The following EPS8L3 variants were observed in gnomAD, a reference collection of about 807,000 sequenced individuals.
EPS8L3 encodes the protein EPS8 signaling adaptor L3.
EPS8L3 carries 80 observed loss-of-function variants against 88.5 expected under a neutral mutation model. The observed-to-expected ratio is 0.90, with a 90% confidence interval of 0.75 to 1.09. The LOEUF is 1.09. Ranked by LOEUF, EPS8L3 falls within the 50% of genes least tolerant of loss-of-function variation. EPS8L3 has a pLI of 0.00. For synonymous variants in EPS8L3, 286 were observed against 291.0 expected (o/e 0.98, Z 0.18); for missense variants, 721 against 735.2 (o/e 0.98, Z 0.22).
At chr1:109,751,157 A>T in intron 17 of EPS8L3, 121 bp downstream of exon 17, 1 of 821,714 alleles carries the variant, frequency 1.2e-6, no homozygotes, top group East Asian at 2.7e-5. Flanking sequence ...CTCAGCAGAG[A>T]CGGTGCTGGA....
intron 12 of EPS8L3, among the ~76,000 whole-genome samples, chr1:109,754,304 T>C (rs1291343182): frequency 6.6e-6 from 1 of 152,226 alleles, no homozygotes; most frequent in Non-Finnish European, 1.5e-5. Flanking sequence ...TGGCCTTGTA[T>C]GGTCTCTGTC....
Position 109,750,691 on chromosome 1 carries a change from G to A in EPS8L3, c.1739C>T (p.Ser580Phe), listed in dbSNP as rs1649701496. 3 of 1,614,244 alleles carry A rather than the reference G, an allele frequency of 1.9e-6. No individual in the cohort carries two copies. The highest frequency in any genetic ancestry group is 1.7e-5 in the Admixed American group (1 of 60,028). The change falls in exon 18 of 19, where the codon TCC becomes TTC. Residue 580 changes from serine (S) to phenylalanine (F), a missense_variant. By Grantham distance (155) the Ser-to-Phe change is radical. Coordinates refer to ENST00000361965, the MANE Select transcript of EPS8L3 (RefSeq NM_133181.4). ...CATCCTTCTGACAGCCTCCAGCCGG[G>A]ACAGGATTCGTGGGGCCTCCTGTGG... ...LCPQEAPRIL[S>F]RLEAVRRMLG...
At position 109,757,995 on chromosome 1, in the gene EPS8L3, C is replaced by G; in HGVS notation, c.781G>C (p.Ala261Pro). The change falls in exon 9 of 19, where the codon GCA becomes CCA. Residue 261 changes from alanine to proline, a missense_variant. Transcript: ENST00000361965. Reference protein sequence around the residue: ...LFMGKLEKAQAKTSRKKKFGK... With the variant: ...LFMGKLEKAQPKTSRKKKFGK... ...AATTTCTTCTTCCTGCTGGTCTTTG[C>G]CTGGGCCTTCTCCAGCTTTCCCATG... 6.2e-7 allele frequency: 1 copy of G among 1,614,202 alleles called. No homozygotes were observed. The highest frequency in any genetic ancestry group is 8.5e-7 in the Non-Finnish European group (1 of 1,180,034).
At position 109,753,257 on chromosome 1, in the gene EPS8L3, T is replaced by G. The variant is rs566400007; in HGVS notation, c.1119-59A>C. 11 of 1,431,332 alleles carry G rather than the reference T, an allele frequency of 7.7e-6. No homozygotes were observed. In the East Asian group the frequency reaches 2.1e-4, roughly 27 times the overall value. The allele number at this position is 1,431,332 out of a possible 1,614,324, so 88.7% of individuals were successfully genotyped here. On this transcript the variant is annotated intron_variant, in intron 12 of 18. Transcript: ENST00000361965. ...CTCTGTGAACTCTGATGCCAGGCTGTGGGACGCGGACAGGGAGGGGACGAC... is the reference window on the plus strand; with the variant it reads ...CTCTGTGAACTCTGATGCCAGGCTGGGGGACGCGGACAGGGAGGGGACGAC...
intron 11 of EPS8L3, 95 bp from the exon 12 acceptor site, chr1:109,757,260 A>G (rs918086503): frequency 2.8e-6 from 4 of 1,408,950 alleles, no homozygotes; most frequent in African/African-American, 2.9e-5. Flanking sequence ...CCACTTTTGC[A>G]ATGGTAGGAT....
chr1:109,753,212 C>T lies in EPS8L3; in HGVS notation c.1119-14G>A. 1 of 1,594,278 alleles carries T rather than the reference C, an allele frequency of 6.3e-7. No homozygotes were observed. Among genetic ancestry groups the T allele is most frequent in the Non-Finnish European group, 8.6e-7 (1 of 1,169,282 alleles). On this transcript the variant is annotated splice_polypyrimidine_tract_variant and intron_variant, in intron 12 of 18. Transcript: ENST00000361965. The stretch of plus-strand genomic sequence containing the variant: ...GTCCAGTCGGCCCTGAAGAGGGAAA[C>T]AAAGCTGAGTTCACATCCACTCTGT...
chr1:109,752,792 C>T (rs1333606539), intron 13 of EPS8L3, 72 bp from the exon 14 acceptor site: 22 of 1,353,026 alleles, frequency 1.6e-5, no homozygotes, highest in East Asian at 5.0e-5. Context: ...CTGGGGTATC[C>T]GACCACAGGC....
At position 109,753,147 on chromosome 1, in the gene EPS8L3, A is replaced by T. The variant is rs1649963070; in HGVS notation, c.1170T>A (p.Asp390Glu). The T allele has an allele frequency of 6.2e-7, 1 of 1,613,526 alleles. No homozygotes were observed. Among genetic ancestry groups the T allele is most frequent in the African/African-American group, 1.3e-5 (1 of 74,906 alleles). ...EPLPYQPTFS[D>E]DWQLPEPSSQ... Reference sequence around the variant, plus strand: ...TGGAGGGCTCTGGAAGTTGCCAGTCATCTGAGAATGTGGGTTGGTAGGGCA... The same window carrying T: ...TGGAGGGCTCTGGAAGTTGCCAGTCTTCTGAGAATGTGGGTTGGTAGGGCA... The change falls in exon 13 of 19, where the codon GAT (aspartate) becomes GAA (glutamate). Residue 390 changes from aspartate to glutamate, a missense_variant. By Grantham distance (45) the Asp-to-Glu change is conservative. Transcript: ENST00000361965.
rs1396672125 is a variant in EPS8L3 at position 109,757,084 on chromosome 1, G to A, written c.1051C>T (p.Gln351Ter). The change falls in exon 12 of 19, where the codon CAG becomes TAG. Residue 351 changes from glutamine to a stop codon, truncating the protein, a stop_gained. Transcript: ENST00000361965. LOFTEE classifies it high-confidence loss of function. ...CTCTCAGGTGGGCTTAGACAGGACT[G>A]TAGCAGGTTGATAGCTTTAGGGGTG... ...LLTPKAINLL[Q>*]SCLSPPESNL... is the part of the protein sequence containing the mutation. 8 of 1,614,086 alleles carry A rather than the reference G, an allele frequency of 5.0e-6. No individual in the cohort carries two copies. The East Asian group carries it at 1.6e-4, about 31-fold the overall frequency.
Position 109,759,848 on chromosome 1 carries a change from G to A in EPS8L3, c.97-12C>T, listed in dbSNP as rs773527493. On this transcript the variant is annotated splice_polypyrimidine_tract_variant and intron_variant, in intron 3 of 18. Coordinates refer to ENST00000361965, the MANE Select transcript of EPS8L3 (RefSeq NM_133181.4). The surrounding 1 kb of genome is among the most constrained non-coding windows in gnomAD (Gnocchi z 4.2). Reference sequence around the variant, plus strand: ...CATGTCATCAAGTGCTGCAGGGAGAGGGGGAGTCCTAGGACTGGGAGAAAG... The same window carrying A: ...CATGTCATCAAGTGCTGCAGGGAGAAGGGGAGTCCTAGGACTGGGAGAAAG... 9 of 1,612,644 alleles carry A rather than the reference G, an allele frequency of 5.6e-6. No individual in the cohort carries two copies. The African/African-American group carries it at 6.7e-5, about 12-fold the overall frequency.
chr1:109,758,659 G>C lies in EPS8L3; in HGVS notation c.466C>G (p.Arg156Gly), dbSNP rs1223716451. ...ALEEELEQRP[R>G]LGGLQPGQDR... The stretch of plus-strand genomic sequence containing the variant: ...TGGCCTGGCTGAAGGCCTCCAAGTC[G>C]AGGTCTGCTGAGGACATGGTAGGGG... The change falls in exon 7 of 19, where the codon CGA becomes GGA. Residue 156 changes from arginine (R) to glycine (G), a missense_variant. By Grantham distance (125) the Arg-to-Gly change is moderately radical (BLOSUM62 -2). Transcript: ENST00000361965. The C allele has an allele frequency of 6.3e-7, 1 of 1,575,894 alleles. No homozygotes were observed. Among genetic ancestry groups the C allele is most frequent in the African/African-American group, 1.4e-5 (1 of 73,444 alleles).
rs1353610354 is a variant in EPS8L3 at position 109,752,209 on chromosome 1, A to G, written c.1236-16T>C. The G allele has an allele frequency of 2.5e-6, 4 of 1,604,040 alleles. No homozygotes were observed. Among genetic ancestry groups the G allele is most frequent in the Non-Finnish European group, 1.7e-6 (2 of 1,173,684 alleles). ...ACTTCCCCGCCTAAGAAACAGAGTC[A>G]GGATGGCTGGAGAATGGGGCCTCAG... On this transcript the variant is annotated splice_polypyrimidine_tract_variant and intron_variant, in intron 14 of 18. Coordinates refer to ENST00000361965, the MANE Select transcript of EPS8L3 (RefSeq NM_133181.4).
At chr1:109,752,273 G>T in intron 14 of EPS8L3, 80 bp from the exon 15 acceptor site, 1 of 1,375,678 alleles carries the variant, frequency 7.3e-7, no homozygotes, top group Non-Finnish European at 1.0e-6. Flanking sequence ...TTCCCCTCAG[G>T]TATCTCCGGC....
In EPS8L3 at chr1:109,757,068, G is replaced by A; in HGVS notation, c.1067C>T (p.Pro356Leu). ...AINLLQSCLS[P>L]PESNLWMGLG... ...CCCCATCCAAAGGTTACTCTCAGGT[G>A]GGCTTAGACAGGACTGTAGCAGGTT... The change falls in exon 12 of 19, where the codon CCA (proline) becomes CTA (leucine). Residue 356 changes from proline (P) to leucine (L), a missense_variant. Coordinates refer to ENST00000361965, the MANE Select transcript of EPS8L3 (RefSeq NM_133181.4). 2 of 1,614,198 alleles carry A rather than the reference G, an allele frequency of 1.2e-6. No individual in the cohort carries two copies. Among genetic ancestry groups the A allele is most frequent in the Non-Finnish European group, 1.7e-6 (2 of 1,180,036 alleles).
intron 15 of EPS8L3, 61 bp downstream of exon 15, chr1:109,751,934 T>G: frequency 6.4e-7 from 1 of 1,563,466 alleles, no homozygotes; most frequent in Non-Finnish European, 8.7e-7. Flanking sequence ...CATCCACCCT[T>G]GGCTGCCTGT....
At chr1:109,760,280 G>A (rs937087761) in intron 3 of EPS8L3, among the ~76,000 whole-genome samples, 3 of 152,114 alleles carry the variant, frequency 2.0e-5, no homozygotes, top group African/African-American at 7.2e-5. Flanking sequence ...CAGCATTCCT[G>A]TCTCCTTCTC....
rs76477226 is a variant in EPS8L3, at chr1:109,757,155, C to G, written c.980G>C (p.Arg327Thr). ...GGCTGCTAGGCCAGCCTCAGGGCACCTGGCCAGGATCTAGGGGAGAGATGG... is the reference window on the plus strand; with the variant it reads ...GGCTGCTAGGCCAGCCTCAGGGCACGTGGCCAGGATCTAGGGGAGAGATGG... ...LFKSLNFILA[R>T]CPEAGLAAQV... Residue 327 changes from arginine to threonine, a missense_variant, in exon 12 of 19, where the codon AGG becomes ACG. Arg to Thr is a moderately conservative substitution (Grantham distance 71). Coordinates refer to ENST00000361965, the MANE Select transcript of EPS8L3 (RefSeq NM_133181.4). The G allele has an allele frequency of 2.5e-6, 4 of 1,611,446 alleles. No homozygotes were observed. The highest frequency in any genetic ancestry group is 2.5e-6 in the Non-Finnish European group (3 of 1,178,456).
chr1:109,751,605 A>G (rs1649797168), intron 16 of EPS8L3, 49 bp downstream of exon 16: 8 of 1,611,880 alleles, frequency 5.0e-6, no homozygotes, highest in African/African-American at 4.0e-5. Context: ...CCCCACCCCG[A>G]CCTCCAACTC....
intron 3 of EPS8L3, chr1:109,761,188 G>A (rs998940151): frequency 6.2e-6 from 2 of 321,972 alleles, no homozygotes; most frequent in Admixed American, 4.1e-5. Flanking sequence ...GGGTAGGTGG[G>A]TGGGTGGTTG....
Sources: allele counts gnomAD v4.1 joint callset (sites outside exome capture counted in the v4.1 genomes callset), GRCh38; gene constraint gnomAD v4.1.1; non-coding constraint Gnocchi (gnomAD v3.1); transcripts MANE v1.5; gene names NCBI Gene and HGNC (gene_info 2026-07-23, HGNC 2026-07-21).